ADAM22: variants seen among roughly 807,000 people sequenced by gnomAD.
The protein encoded by ADAM22 is ADAM metallopeptidase domain 22, also known as disintegrin and metalloproteinase domain-containing protein 22.
ADAM22 carries 65 observed loss-of-function variants against 144.6 expected under a neutral mutation model. The ratio of observed to expected loss-of-function variants is 0.45; its 90% CI spans 0.37 to 0.55. ADAM22 has a LOEUF of 0.55. ADAM22 is among the 20% of genes least tolerant of loss of function. The pLI, the probability that ADAM22 is intolerant of heterozygous loss-of-function variation, is 0.00. For missense variants in ADAM22, 974 were observed against 1,184.9 expected (o/e 0.82, Z 2.61); for synonymous variants, 391 against 412.6 (o/e 0.95, Z 0.63).
intron 17 of ADAM22, among the ~76,000 whole-genome samples, chr7:88,147,676 G>T (rs185716861): frequency 1.6e-4 from 24 of 152,210 alleles, no homozygotes; most frequent in Non-Finnish European, 2.4e-4. Context: ...AAGGATTTTG[G>T]TTGATTTATA....
At chr7:88,104,837 G>C (rs1288097379) in intron 4 of ADAM22, among the ~76,000 whole-genome samples, 1 of 151,978 alleles carries the variant, frequency 6.6e-6, no homozygotes, top group African/African-American at 2.4e-5. Context: ...CTGCTGAAGT[G>C]TCATGGAAAC....
intron 2 of ADAM22, among the ~76,000 whole-genome samples, chr7:87,938,868 C>T (rs1033958908): frequency 7.9e-5 from 12 of 152,022 alleles, no homozygotes; most frequent in Non-Finnish European, 1.3e-4. Flanking sequence ...CCAGGATGGT[C>T]TCAATCTCCT....
chr7:88,151,778 A>G (rs1392812791), intron 20 of ADAM22, among the ~76,000 whole-genome samples: 1 of 152,164 alleles, frequency 6.6e-6, no homozygotes, highest in Non-Finnish European at 1.5e-5. Flanking sequence ...CTTAAACTCT[A>G]GTTGGCTTTC....
chr7:88,192,720 G>T (rs560643878), intron 30 of ADAM22, among the ~76,000 whole-genome samples: 1 of 151,972 alleles, frequency 6.6e-6, no homozygotes, highest in Non-Finnish European at 1.5e-5. Flanking sequence ...TGGAATTATC[G>T]TACTTAAACA....
At position 88,134,441 on chromosome 7, in the gene ADAM22, G is replaced by A. The variant is rs751428334; in HGVS notation, c.1168+22G>A. 6 of 1,534,478 alleles carry A rather than the reference G, an allele frequency of 3.9e-6. 1 individual carries two copies. The highest frequency in any genetic ancestry group is 2.4e-5 in the South Asian group (2 of 84,166). On this transcript the variant is annotated intron_variant, in intron 13 of 31. Transcript: ENST00000413139. The stretch of plus-strand genomic sequence containing the variant: ...AGTGGTAAGTTTTAGTACATGTGTG[G>A]TTAGTTGTATTTAAAATAGACTATT...
chr7:88,178,726 A>T (rs1219733913), intron 26 of ADAM22, among the ~76,000 whole-genome samples: 1 of 152,136 alleles, frequency 6.6e-6, no homozygotes, highest in Non-Finnish European at 1.5e-5. Context: ...CATCCAAATG[A>T]TAAAAGACTT....
At position 87,970,665 on chromosome 7, in the gene ADAM22, T is replaced by C. The variant is rs1329739849; in HGVS notation, c.247-7671T>C. On this transcript the variant is annotated intron_variant, in intron 2 of 31. Transcript: ENST00000413139. ...GGATAGGTAGGTTGGCCCTGGTTCATTGACTCTAGAAGATATGAGGAGAAG... is the reference window on the plus strand; with the variant it reads ...GGATAGGTAGGTTGGCCCTGGTTCACTGACTCTAGAAGATATGAGGAGAAG... Among the ~76,000 whole-genome samples the C allele has an allele frequency of 5.3e-5, 8 of 152,286 alleles. No individual in the cohort carries two copies. In the South Asian group the frequency reaches 1.7e-3, roughly 32 times the overall value.
chr7:88,018,257 G>A (rs1003146516), intron 3 of ADAM22, among the ~76,000 whole-genome samples: 2 of 152,144 alleles, frequency 1.3e-5, no homozygotes, highest in African/African-American at 2.4e-5. Context: ...AGGTCCAGAT[G>A]TAGCACCCAG....
Position 88,061,095 on chromosome 7 carries a change from C to T in ADAM22, c.324-14531C>T, listed in dbSNP as rs534842914. On this transcript the variant is annotated intron_variant, in intron 3 of 31. Coordinates refer to ENST00000413139, the MANE Select transcript of ADAM22 (RefSeq NM_001324418.2). The stretch of plus-strand genomic sequence containing the variant: ...CTCCAGCCTGGGTGACAGAGCAAGA[C>T]TCTGTCTCAAAAAAAAAAAGAGTCC... Among the ~76,000 whole-genome samples, 25 of 151,828 alleles carry T rather than the reference C, an allele frequency of 1.6e-4. 1 individual carries two copies. In the South Asian group the frequency reaches 3.5e-3, roughly 21 times the overall value.
chr7:88,028,764 T>C (rs963342578), intron 3 of ADAM22, among the ~76,000 whole-genome samples: 2 of 152,106 alleles, frequency 1.3e-5, no homozygotes, highest in Admixed American at 6.5e-5. Flanking sequence ...AATGACCTTC[T>C]TTGTCTCTTT....
rs1344610100 is a variant in ADAM22 at position 88,153,264 on chromosome 7, T to C, written c.1725T>C (p.Ile575=). The change falls in exon 21 of 32, where the codon ATT becomes ATC. Residue 575 remains isoleucine (I), a synonymous_variant. Transcript: ENST00000413139. ...SDKYCYEKLN[I]EGTEKGNCGK... ...AATATTGCTATGAGAAACTGAATAT[T>C]GAAGGGACGGAGAAGGGTAACTGTG... 4 of 1,613,390 alleles carry C rather than the reference T, an allele frequency of 2.5e-6. No individual in the cohort carries two copies. The African/African-American group carries it at 4.0e-5, about 16-fold the overall frequency.
intron 4 of ADAM22, among the ~76,000 whole-genome samples, chr7:88,076,383 T>C (rs1407728667): frequency 3.9e-5 from 6 of 152,178 alleles, no homozygotes; most frequent in Non-Finnish European, 8.8e-5. Flanking sequence ...TCTTAGATTA[T>C]GTCACTGAAA....
chr7:88,026,530 A>C lies in ADAM22; in HGVS notation c.323+48118A>C, dbSNP rs189307326. Among the ~76,000 whole-genome samples the C allele has an allele frequency of 1.0e-3, 152 of 152,316 alleles. 1 individual carries two copies. Among genetic ancestry groups the C allele is most frequent in the African/African-American group, 3.3e-3 (139 of 41,578 alleles). On this transcript the variant is annotated intron_variant, in intron 3 of 31. Transcript: ENST00000413139. Reference sequence around the variant, plus strand: ...GAGATTTGAGTGGAGACACAGATTCAAACCATATTAGCATGTAGAAATGCT... The same window carrying C: ...GAGATTTGAGTGGAGACACAGATTCCAACCATATTAGCATGTAGAAATGCT...
intron 22 of ADAM22, 25 bp from the exon 23 acceptor site, chr7:88,162,987 T>C: frequency 6.3e-7 from 1 of 1,599,190 alleles, no homozygotes; most frequent in Non-Finnish European, 8.5e-7. Flanking sequence ...AATAGATTCA[T>C]TTTTTGCTCT....
At chr7:88,076,777 G>A (rs762144384) in intron 4 of ADAM22, among the ~76,000 whole-genome samples, 5 of 152,186 alleles carry the variant, frequency 3.3e-5, no homozygotes, top group Admixed American at 6.5e-5. Flanking sequence ...CTTCTGCTCA[G>A]TGTTTAGTAT....
intron 3 of ADAM22, among the ~76,000 whole-genome samples, chr7:87,988,112 T>G (rs1788900042): frequency 6.6e-6 from 1 of 152,218 alleles, no homozygotes; most frequent in South Asian, 2.1e-4. Context: ...ACTATTTAAA[T>G]GAAAATTTTA....
chr7:88,061,163 A>G (rs1031325479), intron 3 of ADAM22, among the ~76,000 whole-genome samples: 6 of 152,168 alleles, frequency 3.9e-5, no homozygotes, highest in Non-Finnish European at 4.4e-5. Flanking sequence ...ATTCAGTCAC[A>G]TCTTCAGACT....
chr7:88,073,025 A>G (rs1331665958), intron 3 of ADAM22, among the ~76,000 whole-genome samples: 2 of 152,208 alleles, frequency 1.3e-5, no homozygotes, highest in South Asian at 2.1e-4. Flanking sequence ...ACAATTTTCA[A>G]TTGGATGTAC....
At chr7:88,108,313 T>G in intron 5 of ADAM22, 55 bp downstream of exon 5, 1 of 1,384,380 alleles carries the variant, frequency 7.2e-7, no homozygotes, top group South Asian at 1.2e-5. Context: ...TTTATTTTCT[T>G]TATTATGAAT....
Sources: allele counts gnomAD v4.1 joint callset (sites outside exome capture counted in the v4.1 genomes callset), GRCh38; gene constraint gnomAD v4.1.1; transcripts MANE v1.5; gene names NCBI Gene and HGNC (gene_info 2026-07-23, HGNC 2026-07-21).